The following DIS3L2 variants were observed in gnomAD, a reference collection of about 807,000 sequenced individuals.
DIS3L2 encodes DIS3 like 3'-5' exoribonuclease 2, also known as DIS3-like exonuclease 2.
Under a neutral mutation model 97.5 loss-of-function variants are expected in DIS3L2, and 34 were observed. The ratio of observed to expected loss-of-function variants is 0.35; its 90% CI spans 0.27 to 0.46. The LOEUF is 0.46. DIS3L2 is among the 20% of genes least tolerant of loss of function. DIS3L2 has a pLI of 1.00. For missense variants in DIS3L2, 1,038 were observed against 1,146.0 expected, an observed-to-expected ratio of 0.91 and a Z score of 1.36; for synonymous variants, 435 against 445.2, an observed-to-expected ratio of 0.98 and a Z score of 0.29.
chr2:232,247,611 TGCCGCG>T (rs1304229220), intron 11 of DIS3L2, among the ~76,000 whole-genome samples: 3 of 3,846 alleles, frequency 7.8e-4, no homozygotes, highest in African/African-American at 3.7e-3. Flanking sequence ...AACATATAAC[TGCCGCG>T]GGGGGGGGGG....
intron 14 of DIS3L2, among the ~76,000 whole-genome samples, chr2:232,321,326 G>A (rs928217187): frequency 2.6e-5 from 4 of 152,168 alleles, no homozygotes; most frequent in Non-Finnish European, 5.9e-5. Flanking sequence ...GCTCACCAGG[G>A]AAAACATGGG....
chr2:232,119,059 A>T (rs1697814153), intron 6 of DIS3L2, among the ~76,000 whole-genome samples: 3 of 152,096 alleles, frequency 2.0e-5, no homozygotes, highest in African/African-American at 7.2e-5. Context: ...CATTTTAATT[A>T]TTTCCCTTTT....
chr2:232,063,009 TA>T (rs1695755495), intron 5 of DIS3L2, among the ~76,000 whole-genome samples: 2 of 152,158 alleles, frequency 1.3e-5, no homozygotes, highest in Admixed American at 6.5e-5. Flanking sequence ...GTTCACATTA[TA>T]TTTACTTTTT....
chr2:232,303,499 T>C (rs2106324533), intron 14 of DIS3L2, among the ~76,000 whole-genome samples: 2 of 152,366 alleles, frequency 1.3e-5, no homozygotes, highest in African/African-American at 4.8e-5. Flanking sequence ...CAACTGATTA[T>C]TGAAACTACT....
chr2:232,306,272 A>C (rs2106326694), intron 14 of DIS3L2, among the ~76,000 whole-genome samples: 1 of 152,336 alleles, frequency 6.6e-6, no homozygotes, highest in Non-Finnish European at 1.5e-5. Context: ...CTTTGTTCAA[A>C]GACCAACAGC....
chr2:232,107,516 T>G (rs1185375360), intron 6 of DIS3L2, among the ~76,000 whole-genome samples: 2 of 152,078 alleles, frequency 1.3e-5, no homozygotes, highest in African/African-American at 4.8e-5. Context: ...CTGGCCAACA[T>G]GGTGAAACCC....
chr2:232,325,456 G>A lies in DIS3L2; in HGVS notation c.1740-4357G>A, dbSNP rs1695545637. ...TTCTCTGCTGTCTGCCACAGTTTGT[G>A]AGGGGCTCGCTGAGCCTCATACCTG... On this transcript the variant is annotated intron_variant, in intron 14 of 20. Coordinates refer to ENST00000325385, the MANE Select transcript of DIS3L2 (RefSeq NM_152383.5). This position sits in a 1 kb window ranked among gnomAD's most constrained non-coding sequence, Gnocchi z 4.6. 6.6e-6 allele frequency among the ~76,000 whole-genome samples: 1 copy of A among 152,216 alleles called. No individual in the cohort carries two copies. Among genetic ancestry groups the A allele is most frequent in the East Asian group, 1.9e-4 (1 of 5,198 alleles).
At chr2:231,983,736 A>G (rs1693326014) in intron 1 of DIS3L2, among the ~76,000 whole-genome samples, 1 of 152,074 alleles carries the variant, frequency 6.6e-6, no homozygotes, top group South Asian at 2.1e-4. Flanking sequence ...AAAAATACAA[A>G]AAATTAGCTG....
At chr2:232,215,524 G>A (rs1251817490) in intron 10 of DIS3L2, among the ~76,000 whole-genome samples, 1 of 152,160 alleles carries the variant, frequency 6.6e-6, no homozygotes, top group Non-Finnish European at 1.5e-5. Context: ...GACATTTTTT[G>A]GGGAGGATGG....
intron 14 of DIS3L2, among the ~76,000 whole-genome samples, chr2:232,302,388 A>AT (rs1205422175): frequency 1.3e-5 from 2 of 148,242 alleles, no homozygotes; most frequent in East Asian, 2.6e-4. Context: ...AAGTATAATA[A>AT]TTAAAAAAAA....
chr2:231,971,647 C>T (rs146037862), intron 1 of DIS3L2, among the ~76,000 whole-genome samples: 1,699 of 152,076 alleles, frequency 0.011, 19 homozygotes, highest in Non-Finnish European at 0.016. Context: ...CGGGTTTCAC[C>T]GTGTTAGCCA....
At position 232,334,965 on chromosome 2, in the gene DIS3L2, G is replaced by A. The variant is rs1271774614; in HGVS notation, c.2394+230G>A. On this transcript the variant is annotated intron_variant, in intron 19 of 20. Transcript: ENST00000325385. ...CAAGGACCCAGGAACCAGAGAGCAG[G>A]CCCCTCCATGGCCAGTACAGCTCGG... 9.2e-6 allele frequency: 5 copies of A among 543,186 alleles called. No individual in the cohort carries two copies. In the East Asian group the frequency reaches 9.5e-5, roughly 10 times the overall value. 33.6% of individuals were successfully genotyped at this position (543,186 alleles called of 1,614,324 possible).
intron 15 of DIS3L2, among the ~76,000 whole-genome samples, chr2:232,330,235 A>G (rs1695696313): frequency 6.6e-6 from 1 of 152,228 alleles, no homozygotes; most frequent in Non-Finnish European, 1.5e-5. Context: ...GAGGCCTAGC[A>G]GAGGGCAGGG....
At chr2:231,966,641 A>ATTTTTT (rs36151054) in intron 1 of DIS3L2, among the ~76,000 whole-genome samples, 785 of 50,480 alleles carry the variant, frequency 0.016, 64 homozygotes, top group Middle Eastern at 0.022. Flanking sequence ...GTTAAAAAAC[A>ATTTTTT]TTTTTTTTTT....
At chr2:231,967,887 GATTT>G (rs1692769323) in intron 1 of DIS3L2, among the ~76,000 whole-genome samples, 1 of 151,890 alleles carries the variant, frequency 6.6e-6, no homozygotes, top group Non-Finnish European at 1.5e-5. Flanking sequence ...ATATTTTTTT[GATTT>G]ATTTAAAAAA....
chr2:232,341,584 A>T (rs1304148111), downstream of DIS3L2, among the ~76,000 whole-genome samples: 1 of 152,226 alleles, frequency 6.6e-6, no homozygotes, highest in Non-Finnish European at 1.5e-5. Flanking sequence ...GAACTCTATC[A>T]GGAGGACTGG....
chr2:232,260,598 G>T (rs779807539), intron 12 of DIS3L2: 1 of 152,244 alleles, frequency 6.6e-6, no homozygotes, highest in African/African-American at 2.4e-5. Context: ...AATATGGAAA[G>T]AATAGTTTCA....
chr2:231,976,469 T>C (rs977224011), intron 1 of DIS3L2, among the ~76,000 whole-genome samples: 1 of 151,560 alleles, frequency 6.6e-6, no homozygotes. Context: ...CTACCAAAAA[T>C]ACAAAAAATT....
intron 6 of DIS3L2, among the ~76,000 whole-genome samples, chr2:232,090,430 A>T (rs1018554005): frequency 6.6e-6 from 1 of 152,112 alleles, no homozygotes; most frequent in African/African-American, 2.4e-5. Context: ...CTAGCCTCTA[A>T]ATGGAGAGTT....
Sources: allele counts gnomAD v4.1 joint callset (sites outside exome capture counted in the v4.1 genomes callset), GRCh38; gene constraint gnomAD v4.1.1; non-coding constraint Gnocchi (gnomAD v3.1); transcripts MANE v1.5; gene names NCBI Gene and HGNC (gene_info 2026-07-23, HGNC 2026-07-21).